The following MYT1 variants were observed in gnomAD, a reference collection of about 807,000 sequenced individuals.
The protein encoded by MYT1 is myelin transcription factor I.
MYT1 carries 23 observed loss-of-function variants against 123.0 expected under a neutral mutation model. The ratio of observed to expected loss-of-function variants is 0.19; its 90% CI spans 0.13 to 0.26. The LOEUF (loss-of-function observed/expected upper bound fraction) is 0.26, where lower values mean the gene tolerates loss of function less well. Among genes scored for constraint, MYT1 ranks in the 10% least tolerant of loss-of-function variants. The pLI, the probability that MYT1 is intolerant of heterozygous loss-of-function variation, is 1.00. For synonymous variants in MYT1, 518 were observed against 575.3 expected, an observed-to-expected ratio of 0.90 and a Z score of 1.43; for missense variants, 1,125 against 1,472.5, an observed-to-expected ratio of 0.76 and a Z score of 3.86.
rs1568722814 is a variant in MYT1 at position 64,235,858 on chromosome 20, GTGGTGGGTGACGCTGGGATGGTCA to G, written c.2898-685_2898-662del. ...TGTGGTGGGTGACCCTGGGCTGGCC[GTGGTGGGTGACGCTGGGATGGTCA>G]TGGTGGGTGACCCTGGGATGGCCGC... On this transcript the variant is annotated intron_variant, in intron 19 of 22. Transcript: ENST00000328439. Among the ~76,000 whole-genome samples the G allele has an allele frequency of 4.7e-4, 41 of 86,630 alleles. 1 individual carries two copies. Among genetic ancestry groups the G allele is most frequent in the East Asian group, 1.5e-3 (6 of 3,878 alleles). The allele number at this position is 86,630 out of a possible 152,430, so 56.8% of individuals were successfully genotyped here. A position where few individuals can be genotyped will look rare whatever the true frequency, so the allele number is the denominator to read the frequency against.
chr20:64,179,241 G>A (rs535711107), intron 1 of MYT1, among the ~76,000 whole-genome samples: 4 of 152,120 alleles, frequency 2.6e-5, no homozygotes, highest in Non-Finnish European at 5.9e-5. Flanking sequence ...GCCCTTCAAC[G>A]TGGGAGCACT....
In MYT1 at chr20:64,207,191, C is replaced by T. The variant is rs369173425; in HGVS notation, c.398-403C>T. 2.0e-5 allele frequency among the ~76,000 whole-genome samples: 3 copies of T among 152,166 alleles called. No homozygotes were observed. In the South Asian group the frequency reaches 6.2e-4, roughly 32 times the overall value. On this transcript the variant is annotated intron_variant, in intron 6 of 22. Coordinates refer to ENST00000328439, the MANE Select transcript of MYT1 (RefSeq NM_004535.3). ...GAGCCACCGAGCCCATTCTTATTTA[C>T]TGATTTTCAATTATGAAACAATTAT... is the stretch of plus-strand genomic sequence containing the variant.
chr20:64,237,515 G>A (rs959625471), intron 21 of MYT1, 125 bp downstream of exon 21: 9 of 698,030 alleles, frequency 1.3e-5, no homozygotes, highest in African/African-American at 7.1e-5. Flanking sequence ...GACGGACAGC[G>A]CAGTGGCTGG....
chr20:64,226,105 C>T (rs1984163031), intron 16 of MYT1, among the ~76,000 whole-genome samples: 2 of 152,202 alleles, frequency 1.3e-5, no homozygotes, highest in Admixed American at 6.5e-5. Flanking sequence ...GGAGCTGGAG[C>T]CCCAAGTGGC....
At position 64,236,689 on chromosome 20, in the gene MYT1, C is replaced by G. The variant is rs1156596994; in HGVS notation, c.2989+43C>G. ...GATTTCCCTGCTCATGGCTGGGTGC[C>G]AGGGTAAGTGAGAGCTGTGCACCTT... is the stretch of plus-strand genomic sequence containing the variant. On this transcript the variant is annotated intron_variant, in intron 20 of 22. Coordinates refer to ENST00000328439, the MANE Select transcript of MYT1 (RefSeq NM_004535.3). The G allele has an allele frequency of 1.9e-6, 3 of 1,539,598 alleles. No homozygotes were observed. The South Asian group carries it at 3.4e-5, about 17-fold the overall frequency.
Position 64,190,548 on chromosome 20 carries a change from C to T in MYT1, c.-1+388C>T, listed in dbSNP as rs1373644295. ...AATTAGCCGGGCATGGTGGCATGCGCCTGTAATCCCAGCTATTTGGGGGAG... is the reference window on the plus strand; with the variant it reads ...AATTAGCCGGGCATGGTGGCATGCGTCTGTAATCCCAGCTATTTGGGGGAG... On this transcript the variant is annotated intron_variant, in intron 2 of 22. Coordinates refer to ENST00000328439, the MANE Select transcript of MYT1 (RefSeq NM_004535.3). The surrounding 1 kb of genome is among the most constrained non-coding windows in gnomAD (Gnocchi z 4.1). Among the ~76,000 whole-genome samples, 3 of 146,164 alleles carry T rather than the reference C, an allele frequency of 2.1e-5. No homozygotes were observed. Among genetic ancestry groups the T allele is most frequent in the Non-Finnish European group, 4.5e-5 (3 of 67,380 alleles).
intron 1 of MYT1, among the ~76,000 whole-genome samples, chr20:64,181,504 G>A (rs967113776): frequency 2.6e-5 from 4 of 152,154 alleles, no homozygotes; most frequent in Admixed American, 6.5e-5. Context: ...AAGTTGGGGA[G>A]GATGGACACA....
At chr20:64,237,066 G>T (rs1984574323) in intron 20 of MYT1, among the ~76,000 whole-genome samples, 1 of 152,130 alleles carries the variant, frequency 6.6e-6, no homozygotes, top group Non-Finnish European at 1.5e-5. Flanking sequence ...CAGCCAGCTC[G>T]GAAGGCAAAC....
At chr20:64,184,175 C>CT (rs1224749291) in intron 1 of MYT1, among the ~76,000 whole-genome samples, 1 of 152,116 alleles carries the variant, frequency 6.6e-6, no homozygotes, top group African/African-American at 2.4e-5. Context: ...CAATATATTA[C>CT]TTTTTTTCTT....
At position 64,218,807 on chromosome 20, in the gene MYT1, C is replaced by A. The variant is rs1303459449; in HGVS notation, c.1847-104C>A. On this transcript the variant is annotated intron_variant, in intron 11 of 22. Transcript: ENST00000328439. The surrounding 1 kb of genome is among the most constrained non-coding windows in gnomAD (Gnocchi z 4.0). ...GCCTCTTTTCAAGTTGTATATCAGC[C>A]TGGTGTTGTTCCCTTTTTGCAGCCA... 6.7e-7 allele frequency: 1 copy of A among 1,493,986 alleles called. No homozygotes were observed. Among genetic ancestry groups the A allele is most frequent in the Non-Finnish European group, 9.2e-7 (1 of 1,081,174 alleles). 92.5% of individuals were successfully genotyped at this position (1,493,986 alleles called of 1,614,324 possible).
At chr20:64,222,372 GCACCCAGAGGCCTGGCCCT>G (rs1984033884) in intron 14 of MYT1, among the ~76,000 whole-genome samples, 1 of 152,226 alleles carries the variant, frequency 6.6e-6, no homozygotes. Context: ...AGCCCTCGGG[GCACCCAGAGGCCTGGCCCT>G]CTCCCTGAGG....
At chr20:64,170,737 T>C (rs1982226608) in intron 1 of MYT1, among the ~76,000 whole-genome samples, 1 of 150,462 alleles carries the variant, frequency 6.6e-6, no homozygotes, top group African/African-American at 2.5e-5. Context: ...ACGAAGGCTG[T>C]GCCCAACCTT....
At chr20:64,169,779 G>A (rs1011692659) in intron 1 of MYT1, among the ~76,000 whole-genome samples, 5 of 152,204 alleles carry the variant, frequency 3.3e-5, no homozygotes, top group South Asian at 2.1e-4. Flanking sequence ...GACTTAGGTC[G>A]TAAGGGGCAG....
intron 1 of MYT1, among the ~76,000 whole-genome samples, chr20:64,173,483 TCCTTCC>T (rs1982352325): frequency 7.1e-6 from 1 of 140,310 alleles, no homozygotes; most frequent in Admixed American, 7.1e-5. Flanking sequence ...TCCTGCAGCA[TCCTTCC>T]CTTTAGTTGT....
rs376398090 is a variant in MYT1, at chr20:64,213,549, C to T, written c.1533C>T (p.Pro511=). The T allele has an allele frequency of 6.8e-6, 11 of 1,613,932 alleles. No homozygotes were observed. The highest frequency in any genetic ancestry group is 1.3e-5 in the African/African-American group (1 of 74,880). The change falls in exon 10 of 23, where the codon CCC becomes CCT. Residue 511 remains proline (P), a synonymous_variant. Coordinates refer to ENST00000328439, the MANE Select transcript of MYT1 (RefSeq NM_004535.3). The surrounding 1 kb of genome is among the most constrained non-coding windows in gnomAD (Gnocchi z 5.6). ...RNTHRSLSGC[P]IAAAEKLAKS... is the part of the protein sequence containing the mutation. ...CTTCCTCTAGTTTGTCTGGGTGTCC[C>T]ATTGCTGCCGCCGAAAAATTAGCCA...
chr20:64,240,267 G>A (rs755170665), intron 22 of MYT1, 53 bp from the exon 23 acceptor site: 20 of 1,593,680 alleles, frequency 1.3e-5, no homozygotes, highest in Middle Eastern at 1.7e-4. Context: ...CAGGCTCTGC[G>A]GTGTGGGGCC....
intron 6 of MYT1, 115 bp from the exon 7 acceptor site, chr20:64,207,479 C>T (rs1033163127): frequency 3.5e-5 from 52 of 1,503,906 alleles, no homozygotes; most frequent in Admixed American, 9.0e-5. Context: ...CCTTGGCTCC[C>T]GTATAAAGAG....
At chr20:64,229,177 T>G (rs1312220849) in intron 18 of MYT1, among the ~76,000 whole-genome samples, 3 of 152,238 alleles carry the variant, frequency 2.0e-5, no homozygotes. Flanking sequence ...GAATGCTAAA[T>G]TAACAATGCA....
At chr20:64,238,651 T>C (rs1018494273) in intron 21 of MYT1, among the ~76,000 whole-genome samples, 3 of 108,762 alleles carry the variant, frequency 2.8e-5, no homozygotes, top group East Asian at 2.2e-4. Context: ...CGTCCCCTCC[T>C]GGTGTCTCTG....
Sources: allele counts gnomAD v4.1 joint callset (sites outside exome capture counted in the v4.1 genomes callset), GRCh38; gene constraint gnomAD v4.1.1; non-coding constraint Gnocchi (gnomAD v3.1); transcripts MANE v1.5; gene names NCBI Gene and HGNC (gene_info 2026-07-23, HGNC 2026-07-21).